Variants in SEMA3C observed in about 807,000 individuals in gnomAD.
The protein encoded by SEMA3C is semaphorin-3C.
Under a neutral mutation model 89.4 loss-of-function variants are expected in SEMA3C, and 47 were observed. The observed-to-expected ratio is 0.53, with a 90% confidence interval of 0.42 to 0.67. The LOEUF (loss-of-function observed/expected upper bound fraction) is 0.67. Ranked by LOEUF, SEMA3C falls within the 30% of genes least tolerant of loss-of-function variation. The pLI is 0.00. For missense variants in SEMA3C, 839 were observed against 929.1 expected (o/e 0.90, Z 1.26); for synonymous variants, 310 against 320.2 (o/e 0.97, Z 0.34).
chr7:80,903,208 T>C (rs1350742040), intron 2 of SEMA3C, among the ~76,000 whole-genome samples: 1 of 152,194 alleles, frequency 6.6e-6, no homozygotes, highest in African/African-American at 2.4e-5. Flanking sequence ...GGTGGATCTC[T>C]TACTACACAC....
In SEMA3C at chr7:80,744,740, T is replaced by C; in HGVS notation, c.*154A>G. ...TGCTAGTCACTATCATACAAGAAAA[T>C]GCATGCTCATTTCAGTTCGTGTAAA... On this transcript the variant is annotated 3_prime_UTR_variant, in exon 18 of 18. Transcript: ENST00000265361. The C allele has an allele frequency of 2.7e-6, 2 of 752,980 alleles. No individual in the cohort carries two copies. Among genetic ancestry groups the C allele is most frequent in the Non-Finnish European group, 4.4e-6 (2 of 453,420 alleles). 46.6% of individuals were successfully genotyped at this position (752,980 alleles called of 1,614,324 possible). A position where few individuals can be genotyped will look rare whatever the true frequency, so the allele number is the denominator to read the frequency against.
At chr7:80,852,016 C>T (rs997825197) in intron 2 of SEMA3C, among the ~76,000 whole-genome samples, 1 of 152,114 alleles carries the variant, frequency 6.6e-6, no homozygotes, top group Non-Finnish European at 1.5e-5. Context: ...AACCCTTGAT[C>T]TTCTCTAAAT....
At chr7:80,829,746 G>A (rs1371096540) in intron 2 of SEMA3C, among the ~76,000 whole-genome samples, 3 of 152,018 alleles carry the variant, frequency 2.0e-5, no homozygotes, top group Non-Finnish European at 4.4e-5. Context: ...GACAATCAAC[G>A]TATCGTGACA....
Position 80,804,216 on chromosome 7 carries a change from C to G in SEMA3C, c.691G>C (p.Asp231His). The change falls in exon 8 of 18, where the codon GAT (aspartate) becomes CAT (histidine). Residue 231 changes from aspartate to histidine, a missense_variant. By Grantham distance (81) the Asp-to-His change is moderately conservative. Transcript: ENST00000265361. The stretch of plus-strand genomic sequence containing the variant: ...TTAGCATCATTTGGATCAGTACCAT[C>G]TGGGATGACATGTGCATCTACAAAC... Reference protein sequence around the residue: ...PMFVDAHVIPDGTDPNDAKVY... With the variant: ...PMFVDAHVIPHGTDPNDAKVY... 6.2e-7 allele frequency: 1 copy of G among 1,609,694 alleles called. No individual in the cohort carries two copies. Among genetic ancestry groups the G allele is most frequent in the Non-Finnish European group, 8.5e-7 (1 of 1,177,730 alleles).
chr7:80,811,761 C>A (rs1310289762), intron 5 of SEMA3C, among the ~76,000 whole-genome samples: 1 of 152,084 alleles, frequency 6.6e-6, no homozygotes, highest in Non-Finnish European at 1.5e-5. Flanking sequence ...AAAACAGGCA[C>A]TGCATTCAGG....
At chr7:80,848,027 T>G (rs1181473648) in intron 2 of SEMA3C, among the ~76,000 whole-genome samples, 1 of 152,242 alleles carries the variant, frequency 6.6e-6, no homozygotes, top group Non-Finnish European at 1.5e-5. Context: ...AATATGCTGC[T>G]CCTTCTTTCC....
chr7:80,783,671 T>C (rs920882235), intron 12 of SEMA3C, among the ~76,000 whole-genome samples: 1 of 152,218 alleles, frequency 6.6e-6, no homozygotes, highest in Non-Finnish European at 1.5e-5. Flanking sequence ...TTCCTGGCTC[T>C]GCAGTTCATT....
chr7:80,850,234 G>T (rs1234920547), intron 2 of SEMA3C, among the ~76,000 whole-genome samples: 1 of 152,058 alleles, frequency 6.6e-6, no homozygotes, highest in Non-Finnish European at 1.5e-5. Context: ...TTTGGAAAAT[G>T]GTTTGGCTTT....
Position 80,828,723 on chromosome 7 carries a change from A to T in SEMA3C, c.126T>A (p.Ser42=), listed in dbSNP as rs761609190. The part of the protein sequence containing the change: ...TFDELRETKT[S]EYFSLSHHPL... ...GATGGTGGGAAAGGCTGAAGTATTC[A>T]GAGGTCTTGGTTTCTCGAAGTTCTG... is the stretch of plus-strand genomic sequence containing the variant. The change falls in exon 3 of 18, where the codon TCT becomes TCA. Residue 42 remains serine, a synonymous_variant. Coordinates refer to ENST00000265361, the MANE Select transcript of SEMA3C (RefSeq NM_006379.5). 20 of 1,608,736 alleles carry T rather than the reference A, an allele frequency of 1.2e-5. No homozygotes were observed. In the Admixed American group the frequency reaches 3.0e-4, roughly 24 times the overall value.
At chr7:80,863,593 T>C (rs1297587614) in intron 2 of SEMA3C, among the ~76,000 whole-genome samples, 3 of 151,164 alleles carry the variant, frequency 2.0e-5, no homozygotes, top group East Asian at 2.0e-4. Flanking sequence ...AATTGCAAAA[T>C]TGGGGAACCA....
intron 12 of SEMA3C, among the ~76,000 whole-genome samples, chr7:80,768,374 C>A (rs942223115): frequency 6.6e-6 from 1 of 152,080 alleles, no homozygotes; most frequent in East Asian, 1.9e-4. Flanking sequence ...ATTAGCCAGG[C>A]GTGCTGGCAG....
At chr7:80,877,259 A>G (rs980133354) in intron 2 of SEMA3C, among the ~76,000 whole-genome samples, 1 of 152,208 alleles carries the variant, frequency 6.6e-6, no homozygotes, top group Non-Finnish European at 1.5e-5. Context: ...ATCACTCCTA[A>G]TCACACTACA....
intron 2 of SEMA3C, among the ~76,000 whole-genome samples, chr7:80,913,388 G>A (rs752708224): frequency 3.3e-5 from 5 of 152,052 alleles, no homozygotes; most frequent in African/African-American, 4.8e-5. Flanking sequence ...GAGGCAGAGC[G>A]AGACTCTGTC....
intron 12 of SEMA3C, among the ~76,000 whole-genome samples, chr7:80,787,042 C>T (rs1177913901): frequency 1.3e-5 from 2 of 152,034 alleles, no homozygotes; most frequent in African/African-American, 4.8e-5. Context: ...TTTGTTTGCA[C>T]AGAATGGATA....
chr7:80,756,352 T>C (rs1788066260), intron 15 of SEMA3C, among the ~76,000 whole-genome samples: 1 of 151,950 alleles, frequency 6.6e-6, no homozygotes, highest in African/African-American at 2.4e-5. Flanking sequence ...CTTCCTTTAT[T>C]ATCCCTCTAC....
intron 11 of SEMA3C, among the ~76,000 whole-genome samples, chr7:80,796,907 A>C (rs1789078738): frequency 6.6e-6 from 1 of 152,160 alleles, no homozygotes; most frequent in Admixed American, 6.5e-5. Context: ...TTCAATTTTC[A>C]AAAAATTAAC....
At chr7:80,816,323 C>A (rs1789606651) in intron 5 of SEMA3C, 1 of 152,274 alleles carries the variant, frequency 6.6e-6, no homozygotes, top group East Asian at 1.9e-4. Context: ...GCCAACCTAA[C>A]TTGGTTCACC....
chr7:80,811,169 A>G (rs1269571388), intron 5 of SEMA3C, among the ~76,000 whole-genome samples: 1 of 152,188 alleles, frequency 6.6e-6, no homozygotes, highest in Admixed American at 6.5e-5. Context: ...GATTCAACAA[A>G]ATAATTCATA....
chr7:80,860,147 C>A (rs1790736956), intron 2 of SEMA3C, among the ~76,000 whole-genome samples: 1 of 151,962 alleles, frequency 6.6e-6, no homozygotes, highest in Non-Finnish European at 1.5e-5. Context: ...ACTTATTCAG[C>A]AATAATACTA....
Sources: gnomAD v4.1 joint callset for allele counts (sites outside exome capture counted in the v4.1 genomes callset) on GRCh38, gnomAD v4.1.1 for gene constraint, MANE v1.5 for transcripts, NCBI Gene and HGNC (gene_info 2026-07-23, HGNC 2026-07-21) for gene names.